TACC1: variants seen among roughly 807,000 people sequenced by gnomAD.
The protein encoded by TACC1 is transforming acidic coiled-coil containing protein 1, also known as transforming acidic coiled-coil-containing protein 1.
A neutral mutation model predicts 84.4 loss-of-function variants in TACC1; 48 were observed. That is an observed-to-expected ratio of 0.57 (90% confidence interval 0.45 to 0.72). TACC1 has a LOEUF of 0.72. Ranked by LOEUF, TACC1 falls within the 30% of genes least tolerant of loss-of-function variation. The pLI is 0.00. For synonymous variants in TACC1, 372 were observed against 376.3 expected (o/e 0.99, Z 0.13); for missense variants, 920 against 973.0 (o/e 0.95, Z 0.72).
chr8:38,798,690 A>G (rs1426418740), intron 2 of TACC1, among the ~76,000 whole-genome samples: 1 of 151,032 alleles, frequency 6.6e-6, no homozygotes, highest in African/African-American at 2.4e-5. Flanking sequence ...ACTATGATGT[A>G]CCTAAGAGGA....
intron 2 of TACC1, among the ~76,000 whole-genome samples, chr8:38,811,687 A>C (rs1003857215): frequency 6.6e-6 from 1 of 152,238 alleles, no homozygotes. Context: ...CTGAGGATGT[A>C]TATCACGTCA....
At chr8:38,801,908 G>T (rs541329643) in intron 2 of TACC1, among the ~76,000 whole-genome samples, 81 of 151,960 alleles carry the variant, frequency 5.3e-4, no homozygotes, top group Non-Finnish European at 8.2e-4. Flanking sequence ...AATGTTTTTT[G>T]TTGTTGTTGT....
At chr8:38,796,309 C>G (rs1453212247) in intron 2 of TACC1, among the ~76,000 whole-genome samples, 1 of 152,204 alleles carries the variant, frequency 6.6e-6, no homozygotes, top group Non-Finnish European at 1.5e-5. Flanking sequence ...ACATATTATA[C>G]AGCTTTTCTC....
chr8:38,759,876 C>T lies in TACC1; in HGVS notation c.26+14383C>T, dbSNP rs536831159. On this transcript the variant is annotated intron_variant, in intron 3 of 14. Transcript: ENST00000518415. ...GTTCTGCCTTGTTCAGATGTACAAG[C>T]GACAAGTCTCTCCAGGATACAAGAA... 2.3e-4 allele frequency among the ~76,000 whole-genome samples: 35 copies of T among 152,256 alleles called. 1 individual carries two copies. In the South Asian group the frequency reaches 5.0e-3, roughly 22 times the overall value.
intron 2 of TACC1, among the ~76,000 whole-genome samples, chr8:38,807,323 T>C (rs1823004325): frequency 6.6e-6 from 1 of 152,172 alleles, no homozygotes; most frequent in South Asian, 2.1e-4. Context: ...TATGAGATAT[T>C]GTTTATGTGT....
intron 10 of TACC1, 59 bp from the exon 11 acceptor site, chr8:38,843,230 T>C: frequency 3.5e-6 from 4 of 1,138,510 alleles, no homozygotes; most frequent in Non-Finnish European, 4.9e-6. Context: ...AACTCTGATA[T>C]GTGGTAGATT....
chr8:38,776,825 G>A (rs575125406), intron 3 of TACC1, among the ~76,000 whole-genome samples: 30 of 152,286 alleles, frequency 2.0e-4, no homozygotes, highest in South Asian at 6.2e-4. Context: ...AATGTAGAAC[G>A]AAATTTAAGG....
At chr8:38,791,744 A>C (rs1185983074) in intron 2 of TACC1, among the ~76,000 whole-genome samples, 1 of 152,214 alleles carries the variant, frequency 6.6e-6, no homozygotes, top group Admixed American at 6.5e-5. Flanking sequence ...TATAAGACTA[A>C]ATCATTCTGG....
chr8:38,773,401 A>G (rs1814062465), intron 3 of TACC1, among the ~76,000 whole-genome samples: 1 of 148,300 alleles, frequency 6.7e-6, no homozygotes, highest in South Asian at 2.1e-4. Flanking sequence ...TTAATATAAT[A>G]TAAATTTTTA....
chr8:38,775,515 G>A (rs1474788023), intron 3 of TACC1, among the ~76,000 whole-genome samples: 1 of 152,196 alleles, frequency 6.6e-6, no homozygotes, highest in Non-Finnish European at 1.5e-5. Flanking sequence ...ATCTGGTGAA[G>A]GCTGACCTCC....
intron 3 of TACC1, among the ~76,000 whole-genome samples, chr8:38,745,648 A>G (rs1807945046): frequency 6.6e-6 from 1 of 152,218 alleles, no homozygotes; most frequent in South Asian, 2.1e-4. Context: ...GGTTCAAGGA[A>G]TTCTCCTGTC....
At chr8:38,799,685 C>T (rs999113345) in intron 2 of TACC1, 22 of 152,228 alleles carry the variant, frequency 1.4e-4, no homozygotes, top group Non-Finnish European at 7.3e-5. Flanking sequence ...ATATACCATA[C>T]TTGGCTACAT....
chr8:38,790,087 C>T (rs947866822), intron 2 of TACC1, among the ~76,000 whole-genome samples: 1 of 152,226 alleles, frequency 6.6e-6, no homozygotes, highest in Admixed American at 6.5e-5. Flanking sequence ...CAGGGCCTTG[C>T]TCTTCTGAAG....
chr8:38,754,996 T>A (rs1809723486), intron 3 of TACC1, among the ~76,000 whole-genome samples: 1 of 152,006 alleles, frequency 6.6e-6, no homozygotes, highest in Non-Finnish European at 1.5e-5. Context: ...CCTGTCTCTA[T>A]TAAAAATACA....
Position 38,776,166 on chromosome 8 carries a change from C to A in TACC1, c.27-12538C>A, listed in dbSNP as rs570159357. 6.6e-5 allele frequency among the ~76,000 whole-genome samples: 10 copies of A among 152,180 alleles called. No individual in the cohort carries two copies. The South Asian group carries it at 2.1e-3, about 32-fold the overall frequency. ...AATAACCTTCATCAATATGTAAATC[C>A]ATTCTACTTGGCCTTTGTGAAATCT... On this transcript the variant is annotated intron_variant, in intron 3 of 14. Coordinates refer to the TACC1 transcript ENST00000518415.
rs1215388480 is a variant in TACC1 at position 38,750,982 on chromosome 8, G to GT, written c.26+5493dup. Among the ~76,000 whole-genome samples, 4 of 152,164 alleles carry GT rather than the reference G, an allele frequency of 2.6e-5. No homozygotes were observed. The East Asian group carries it at 7.7e-4, about 29-fold the overall frequency. On this transcript the variant is annotated intron_variant, in intron 3 of 14. Transcript: ENST00000518415. ...TCAAAGGACCTAGTATAGCCACATC[G>GT]TTTTGAAAGAGGAGAACAATATTGG... is the stretch of plus-strand genomic sequence containing the variant.
chr8:38,830,899 C>CTGACGACCT (rs1829082869), intron 5 of TACC1, among the ~76,000 whole-genome samples: 2 of 152,212 alleles, frequency 1.3e-5, no homozygotes, highest in Non-Finnish European at 2.9e-5. Context: ...AGCCTGAAGG[C>CTGACGACCT]TGACGACCTG....
chr8:38,770,404 T>G (rs1167759849), intron 3 of TACC1, among the ~76,000 whole-genome samples: 2 of 151,944 alleles, frequency 1.3e-5, no homozygotes, highest in African/African-American at 2.4e-5. Context: ...TTCCCTCCCC[T>G]GCCCCCTCCG....
At chr8:38,796,891 C>T (rs767865152) in intron 2 of TACC1, among the ~76,000 whole-genome samples, 1 of 152,226 alleles carries the variant, frequency 6.6e-6, no homozygotes, top group Non-Finnish European at 1.5e-5. Flanking sequence ...CTGAAAACAA[C>T]GAACATCTCA....
Sources: gnomAD v4.1 joint callset for allele counts (sites outside exome capture counted in the v4.1 genomes callset) on GRCh38, gnomAD v4.1.1 for gene constraint, MANE v1.5 for transcripts, NCBI Gene and HGNC (gene_info 2026-07-23, HGNC 2026-07-21) for gene names.